Variants in MED13L observed in about 807,000 individuals in gnomAD.
MED13L encodes the protein mediator of RNA polymerase II transcription subunit 13-like.
MED13L carries 7 observed loss-of-function variants against 220.9 expected under a neutral mutation model. The observed-to-expected ratio is 0.03, with a 90% CI of 0.02 to 0.06. MED13L has a LOEUF of 0.06. Among genes scored for constraint, MED13L ranks in the 10% least tolerant of loss-of-function variants. MED13L has a pLI of 1.00. For missense variants in MED13L, 1,965 were observed against 2,760.5 expected (o/e 0.71, Z 6.46); for synonymous variants, 1,011 against 1,015.2 (o/e 1.00, Z 0.08).
intron 4 of MED13L, among the ~76,000 whole-genome samples, chr12:116,080,477 A>G (rs1871154702): frequency 6.6e-6 from 1 of 152,198 alleles, no homozygotes; most frequent in Middle Eastern, 3.2e-3. Flanking sequence ...TTCCCAAACC[A>G]TGTACCAAAG....
At chr12:116,060,324 T>TA (rs1371298612) in intron 4 of MED13L, among the ~76,000 whole-genome samples, 1 of 151,838 alleles carries the variant, frequency 6.6e-6, no homozygotes, top group Admixed American at 6.6e-5. Flanking sequence ...ACGCCGGTAA[T>TA]ACTATCACTT....
intron 1 of MED13L, among the ~76,000 whole-genome samples, chr12:116,258,593 A>G (rs920003019): frequency 6.6e-6 from 1 of 152,076 alleles, no homozygotes; most frequent in Non-Finnish European, 1.5e-5. Context: ...CCTGGTCAAC[A>G]TGGTGAAACC....
At chr12:116,060,571 C>G (rs958562372) in intron 4 of MED13L, among the ~76,000 whole-genome samples, 3 of 144,606 alleles carry the variant, frequency 2.1e-5, no homozygotes, top group Middle Eastern at 3.3e-3. Context: ...CAGAGCAAGA[C>G]TCCAAGGGAA....
intron 3 of MED13L, among the ~76,000 whole-genome samples, chr12:116,103,999 C>CTTTTTTTTTTTTTTTTTTT (rs36066243): frequency 1.7e-5 from 1 of 57,418 alleles, no homozygotes; most frequent in Non-Finnish European, 3.0e-5. Flanking sequence ...GGACATTGCT[C>CTTTTTTTTTTTTTTTTTTT]TTTTTTTTTT....
chr12:116,183,399 G>A (rs367985274), intron 2 of MED13L, among the ~76,000 whole-genome samples: 60 of 152,208 alleles, frequency 3.9e-4, no homozygotes, highest in African/African-American at 1.2e-3. Context: ...AATTTATAAC[G>A]TCAATCTGTA....
At chr12:116,191,267 T>C (rs1175117550) in intron 2 of MED13L, among the ~76,000 whole-genome samples, 1 of 152,170 alleles carries the variant, frequency 6.6e-6, no homozygotes, top group Non-Finnish European at 1.5e-5. Context: ...ATTGGTGCTC[T>C]CAAGGATCAG....
At chr12:116,035,611 G>T (rs887888868) in intron 4 of MED13L, among the ~76,000 whole-genome samples, 9 of 151,920 alleles carry the variant, frequency 5.9e-5, no homozygotes, top group African/African-American at 1.9e-4. Context: ...TTTATTTAGA[G>T]ACAGGGTCTC....
chr12:115,963,377 C>A, intron 30 of MED13L, 30 bp downstream of exon 30: 1 of 1,474,640 alleles, frequency 6.8e-7, no homozygotes. Context: ...TTTCAAATTG[C>A]ACTGCTATGA....
chr12:116,094,150 AC>A (rs1872476461), intron 4 of MED13L, among the ~76,000 whole-genome samples: 1 of 152,226 alleles, frequency 6.6e-6, no homozygotes, highest in Non-Finnish European at 1.5e-5. Flanking sequence ...TCCTATTTCA[AC>A]ATCTACCAAG....
chr12:116,109,586 T>C (rs1873903298), intron 3 of MED13L, among the ~76,000 whole-genome samples: 1 of 152,222 alleles, frequency 6.6e-6, no homozygotes, highest in African/African-American at 2.4e-5. Flanking sequence ...CTTGTAACTT[T>C]GTATAAAAAG....
chr12:115,985,783 AC>A (rs1288171032), intron 19 of MED13L, among the ~76,000 whole-genome samples: 4 of 152,242 alleles, frequency 2.6e-5, no homozygotes, highest in Admixed American at 2.6e-4. Flanking sequence ...ATGTTAAAAC[AC>A]AACAGGGACA....
At chr12:116,096,627 G>A (rs752671766) in intron 4 of MED13L, 42 bp downstream of exon 4, 19 of 1,498,724 alleles carry the variant, frequency 1.3e-5, no homozygotes, top group East Asian at 2.3e-5. Flanking sequence ...CCACCCACAA[G>A]GCCAAAGAAA....
chr12:116,236,599 G>A lies in MED13L; in HGVS notation c.310+869C>T, dbSNP rs1283464010. On this transcript the variant is annotated intron_variant, in intron 2 of 30. Coordinates refer to ENST00000281928, the MANE Select transcript of MED13L (RefSeq NM_015335.5). Reference sequence around the variant, plus strand: ...ACAGATTAACACAATATAGTTTGGAGATAATAAAAGATGGTTCTAAGAGAC... The same window carrying A: ...ACAGATTAACACAATATAGTTTGGAAATAATAAAAGATGGTTCTAAGAGAC... 2.0e-5 allele frequency among the ~76,000 whole-genome samples: 3 copies of A among 151,736 alleles called. No homozygotes were observed. In the East Asian group the frequency reaches 5.8e-4, roughly 29 times the overall value.
chr12:116,000,626 A>C (rs752491369), intron 14 of MED13L, among the ~76,000 whole-genome samples: 7 of 152,236 alleles, frequency 4.6e-5, no homozygotes, highest in Non-Finnish European at 1.0e-4. Flanking sequence ...CCTTTTGTCT[A>C]TTCAAAGACT....
At chr12:116,083,527 T>C (rs1395984393) in intron 4 of MED13L, among the ~76,000 whole-genome samples, 1 of 151,928 alleles carries the variant, frequency 6.6e-6, no homozygotes, top group African/African-American at 2.4e-5. Context: ...AGTTTGATTA[T>C]GCACACTAAG....
intron 1 of MED13L, among the ~76,000 whole-genome samples, chr12:116,243,580 G>A (rs1870838394): frequency 6.6e-6 from 1 of 151,736 alleles, no homozygotes; most frequent in Admixed American, 6.6e-5. Context: ...CAATATACAG[G>A]AAATGAGATT....
chr12:116,159,296 T>C (rs1309098111), intron 2 of MED13L, among the ~76,000 whole-genome samples: 3 of 152,176 alleles, frequency 2.0e-5, no homozygotes, highest in African/African-American at 7.2e-5. Context: ...TATGTAGACA[T>C]CACAAAAACT....
chr12:116,181,361 T>C (rs1458625335), intron 2 of MED13L: 1 of 152,224 alleles, frequency 6.6e-6, no homozygotes, highest in African/African-American at 2.4e-5. Context: ...TTTAATCTTC[T>C]GTTCAAGAAC....
intron 2 of MED13L, among the ~76,000 whole-genome samples, chr12:116,229,084 C>A (rs938674242): frequency 6.6e-6 from 1 of 152,068 alleles, no homozygotes; most frequent in Non-Finnish European, 1.5e-5. Flanking sequence ...GCCACAACAG[C>A]CTCTTCTAAA....
Sources: allele counts gnomAD v4.1 joint callset (sites outside exome capture counted in the v4.1 genomes callset), GRCh38; gene constraint gnomAD v4.1.1; transcripts MANE v1.5; gene names NCBI Gene and HGNC (gene_info 2026-07-23, HGNC 2026-07-21).